MACF1: variants seen among roughly 807,000 people sequenced by gnomAD.
MACF1 encodes the protein microtubule actin crosslinking factor 1, also known as microtubule-actin cross-linking factor 1.
In MACF1, 193 loss-of-function variants were observed where a neutral mutation model predicts 854.8. That is an observed-to-expected ratio of 0.23 (90% CI 0.20 to 0.25). The LOEUF (loss-of-function observed/expected upper bound fraction) is 0.25, where lower values mean the gene tolerates loss of function less well. Ranked by LOEUF, MACF1 falls within the 10% of genes least tolerant of loss-of-function variation. The probability of loss-of-function intolerance (pLI) is 1.00; values close to 1 mark genes in which losing one functional copy is unlikely to be tolerated. For synonymous variants in MACF1, 3,185 were observed against 3,226.7 expected, an observed-to-expected ratio of 0.99 and a Z score of 0.44; for missense variants, 7,722 against 8,929.1, an observed-to-expected ratio of 0.86 and a Z score of 5.45.
intron 2 of MACF1, among the ~76,000 whole-genome samples, chr1:39,110,692 G>A (rs900327408): frequency 3.3e-5 from 5 of 152,110 alleles, no homozygotes; most frequent in Non-Finnish European, 7.3e-5. Flanking sequence ...CACAAGTTTT[G>A]GCCACATTCA....
At chr1:39,451,729 C>A (rs1644344841) in intron 85 of MACF1, among the ~76,000 whole-genome samples, 1 of 152,076 alleles carries the variant, frequency 6.6e-6, no homozygotes, top group African/African-American at 2.4e-5. Context: ...GTTTTTATTT[C>A]CCATAATTCT....
In MACF1 at chr1:39,331,988, C is replaced by T. The variant is rs774942421; in HGVS notation, c.5400C>T (p.Ala1800=). The T allele has an allele frequency of 3.1e-6, 5 of 1,613,916 alleles. No homozygotes were observed. The highest frequency in any genetic ancestry group is 4.2e-6 in the Non-Finnish European group (5 of 1,179,998). Residue 1800 remains alanine (A), a synonymous_variant, in exon 37 of 101, where the codon GCC becomes GCT. Transcript: ENST00000564288. ...VRHNLIDQDM[A]CAILIRQLQT... ...ATAATCTGATTGACCAAGATATGGC[C>T]TGTGCTATCCTCATAAGGCAGCTTC...
Position 39,437,973 on chromosome 1 carries a change from G to C in MACF1, c.18185G>C (p.Arg6062Pro), listed in dbSNP as rs776175042. ...CGCCGTGGAGAGGAGCTTATTGGAC[G>C]ATCTCAGGGAGCAGACAAGGATCTG... ...LKRRGEELIGRSQGADKDLAA... is the reference protein window; with the variant it reads ...LKRRGEELIGPSQGADKDLAA... The change falls in exon 71 of 101, where the codon CGA becomes CCA. Residue 6062 changes from arginine to proline, a missense_variant. Coordinates refer to ENST00000564288, the MANE Select transcript of MACF1 (RefSeq NM_001394062.1). The C allele has an allele frequency of 6.2e-6, 10 of 1,613,976 alleles. No individual in the cohort carries two copies.
At chr1:39,184,766 T>C (rs1273330304) in intron 2 of MACF1, among the ~76,000 whole-genome samples, 1 of 152,126 alleles carries the variant, frequency 6.6e-6, no homozygotes, top group Non-Finnish European at 1.5e-5. Flanking sequence ...GATTATGAGG[T>C]TGGAGGCTAA....
intron 47 of MACF1, 104 bp downstream of exon 47, chr1:39,359,368 T>C: frequency 1.5e-6 from 2 of 1,316,728 alleles, no homozygotes; most frequent in Non-Finnish European, 2.1e-6. Context: ...GGTGCCAGGC[T>C]AGAGGCTGAG....
Position 39,387,197 on chromosome 1 carries a change from T to C in MACF1, c.14355T>C (p.Ile4785=). 2 of 1,613,058 alleles carry C rather than the reference T, an allele frequency of 1.2e-6. No individual in the cohort carries two copies. The highest frequency in any genetic ancestry group is 1.7e-6 in the Non-Finnish European group (2 of 1,179,536). The change falls in exon 58 of 101, where the codon ATT becomes ATC. Residue 4785 remains isoleucine, a synonymous_variant. Transcript: ENST00000564288. Reference sequence around the variant, plus strand: ...ATTTTCTCATTTCAGCCGATCGCATTAACAGACTCCAGGCAGCTCTTGCCA... The same window carrying C: ...ATTTTCTCATTTCAGCCGATCGCATCAACAGACTCCAGGCAGCTCTTGCCA... The part of the protein sequence containing the change: ...QGLEDLAADR[I]NRLQAALAST...
In MACF1 at chr1:39,448,751, A is replaced by T; in HGVS notation, c.20246A>T (p.Lys6749Met). The T allele has an allele frequency of 6.2e-7, 1 of 1,611,872 alleles. No homozygotes were observed. Among genetic ancestry groups the T allele is most frequent in the Non-Finnish European group, 8.5e-7 (1 of 1,178,780 alleles). Residue 6749 changes from lysine (K) to methionine (M), a missense_variant, in exon 84 of 101, where the codon AAG becomes ATG. By Grantham distance (95) the Lys-to-Met change is moderately conservative. This residue lies in a region of MACF1 where 729 missense variants were observed against 900.5 expected (regional missense o/e 0.81). Coordinates refer to ENST00000564288, the MANE Select transcript of MACF1 (RefSeq NM_001394062.1). ...GACAAATGGGATACTGTTTGTGGCA[A>T]GTCTGTGGAGCGGTGAGCATGAATG... ...VRDKWDTVCG[K>M]SVERQHKLEE...
intron 58 of MACF1, chr1:39,410,384 A>G (rs1173438120): frequency 3.1e-6 from 5 of 1,613,880 alleles, no homozygotes; most frequent in Non-Finnish European, 4.2e-6. Flanking sequence ...TCTATATATG[A>G]TACGATGAGG....
Position 39,334,616 on chromosome 1 carries a change from C to G in MACF1, c.8028C>G (p.Asp2676Glu). The part of the protein sequence containing the change: ...LSQAIQLGKV[D>E]FASTLKVLEA... ...AAGCAATTCAGCTTGGAAAAGTAGA[C>G]TTTGCATCTACGCTGAAGGTTCTAG... is the stretch of plus-strand genomic sequence containing the variant. Residue 2676 changes from aspartate (D) to glutamate (E), a missense_variant, in exon 37 of 101, where the codon GAC (aspartate) becomes GAG (glutamate). Physicochemically the swap from Asp to Glu is conservative, Grantham distance 45. Coordinates refer to ENST00000564288, the MANE Select transcript of MACF1 (RefSeq NM_001394062.1). 4 of 1,614,112 alleles carry G rather than the reference C, an allele frequency of 2.5e-6. No homozygotes were observed. The highest frequency in any genetic ancestry group is 3.4e-6 in the Non-Finnish European group (4 of 1,180,014).
At chr1:39,389,963 G>A (rs115087003) in intron 58 of MACF1, among the ~76,000 whole-genome samples, 1,622 of 152,240 alleles carry the variant, frequency 0.011, 33 homozygotes, top group African/African-American at 0.037. Context: ...TTCTTTGCCT[G>A]AGCCAAAATC....
At chr1:39,119,625 C>T (rs1387691820) in intron 2 of MACF1, among the ~76,000 whole-genome samples, 2 of 152,068 alleles carry the variant, frequency 1.3e-5, no homozygotes, top group African/African-American at 2.4e-5. Context: ...TTTCTTTCCA[C>T]GTGGTTGTCC....
chr1:39,356,368 G>A (rs1569669886), intron 44 of MACF1, among the ~76,000 whole-genome samples: 1 of 150,788 alleles, frequency 6.6e-6, no homozygotes, highest in East Asian at 2.0e-4. Context: ...TCACAGTTAA[G>A]AACTTGCATT....
Position 39,435,604 on chromosome 1 carries a change from T to A in MACF1, c.17831T>A (p.Leu5944Gln). 1 of 1,614,144 alleles carries A rather than the reference T, an allele frequency of 6.2e-7. No individual in the cohort carries two copies. The highest frequency in any genetic ancestry group is 8.5e-7 in the Non-Finnish European group (1 of 1,180,010). Residue 5944 changes from leucine to glutamine, a missense_variant, in exon 70 of 101, where the codon CTA (leucine) becomes CAA (glutamine). By Grantham distance (113) the Leu-to-Gln change is moderately radical (BLOSUM62 -2). Transcript: ENST00000564288. ...IAEHKPHIDKLLKIGPQLKEL... is the reference protein window; with the variant it reads ...IAEHKPHIDKQLKIGPQLKEL... ...GAACACAAACCTCATATTGACAAAC[T>A]ACTAAAGATAGGCCCACAACTAAAG...
chr1:39,124,968 G>A (rs1557468963), intron 2 of MACF1, among the ~76,000 whole-genome samples: 1 of 152,158 alleles, frequency 6.6e-6, no homozygotes, highest in Non-Finnish European at 1.5e-5. Context: ...AACTTATGTG[G>A]TGTGATGGAA....
rs1016475598 is a variant in MACF1 at position 39,282,148 on chromosome 1, G to A, written c.529-60G>A. 3 of 1,564,568 alleles carry A rather than the reference G, an allele frequency of 1.9e-6. No homozygotes were observed. The African/African-American group carries it at 4.1e-5, about 21-fold the overall frequency. On this transcript the variant is annotated intron_variant, in intron 6 of 100. Coordinates refer to ENST00000564288, the MANE Select transcript of MACF1 (RefSeq NM_001394062.1). The stretch of plus-strand genomic sequence containing the variant: ...TAAGAGCCATAATGTATGGAGAAGA[G>A]AAGGCTAAAAGACTTTGTCTTATTT...
intron 6 of MACF1, among the ~76,000 whole-genome samples, chr1:39,267,361 G>T (rs1253268449): frequency 6.6e-6 from 1 of 152,130 alleles, no homozygotes; most frequent in Non-Finnish European, 1.5e-5. Context: ...CTCCTGAATA[G>T]CTGGGACTAA....
At chr1:39,465,714 C>T (rs1478465309) in intron 95 of MACF1, among the ~76,000 whole-genome samples, 1 of 152,128 alleles carries the variant, frequency 6.6e-6, no homozygotes, top group Non-Finnish European at 1.5e-5. Context: ...CCTTTCAGAT[C>T]TTTTTGAGTG....
intron 22 of MACF1, among the ~76,000 whole-genome samples, chr1:39,302,200 G>A (rs1463970725): frequency 1.3e-5 from 2 of 152,080 alleles, no homozygotes; most frequent in Admixed American, 1.3e-4. Flanking sequence ...GTTTTACTAT[G>A]TTGCCTAGGC....
intron 57 of MACF1, among the ~76,000 whole-genome samples, chr1:39,386,245 C>CT (rs59189873): frequency 0.35 from 50,405 of 142,886 alleles, 9,259 homozygotes; most frequent in African/African-American, 0.49. Flanking sequence ...TTGATACCCA[C>CT]TTTTTTTTTT....
Sources: allele counts gnomAD v4.1 joint callset (sites outside exome capture counted in the v4.1 genomes callset), GRCh38; gene constraint gnomAD v4.1.1; regional missense constraint gnomAD v4.1.1; transcripts MANE v1.5; gene names NCBI Gene and HGNC (gene_info 2026-07-23, HGNC 2026-07-21).